FRY: variants seen among roughly 807,000 people sequenced by gnomAD.
FRY encodes protein furry homolog.
A neutral mutation model predicts 348.4 loss-of-function variants in FRY; 128 were observed. That is an observed-to-expected ratio of 0.37 (90% CI 0.32 to 0.43). The LOEUF (loss-of-function observed/expected upper bound fraction) is 0.43, where lower values mean the gene tolerates loss of function less well. Ranked by LOEUF, FRY falls within the 20% of genes least tolerant of loss-of-function variation. The pLI, the probability that FRY is intolerant of heterozygous loss-of-function variation, is 1.00. For synonymous variants in FRY, 1,370 were observed against 1,374.7 expected (o/e 1.00, Z 0.08); for missense variants, 2,736 against 3,695.2 (o/e 0.74, Z 6.73).
At chr13:32,243,922 T>C (rs1886638703) in intron 46 of FRY, 120 bp from the exon 47 acceptor site, 1 of 1,102,504 alleles carries the variant, frequency 9.1e-7, no homozygotes, top group Non-Finnish European at 1.3e-6. Context: ...CAAGACCCCA[T>C]CTCCTAAAAA....
chr13:32,149,815 C>T lies in FRY; in HGVS notation c.1460C>T (p.Ala487Val). Residue 487 changes from alanine to valine, a missense_variant, in exon 14 of 61, where the codon GCA becomes GTA. By Grantham distance (64) the Ala-to-Val change is moderately conservative (BLOSUM62 0). Transcript: ENST00000542859. ...CTTTGTGTGGGAAAACCAGCAAAAG[C>T]ATTCAGTCTCAACCCAGAGGTATGA... ...DFLCVGKPAK[A>V]FSLNPERMNI... The T allele has an allele frequency of 1.9e-6, 3 of 1,604,928 alleles. No homozygotes were observed. The highest frequency in any genetic ancestry group is 2.2e-5 in the South Asian group (2 of 90,880).
chr13:32,163,687 G>A (rs1427412650), intron 17 of FRY, among the ~76,000 whole-genome samples: 1 of 152,152 alleles, frequency 6.6e-6, no homozygotes, highest in Non-Finnish European at 1.5e-5. Flanking sequence ...CTATAAGTCT[G>A]AGTGGGAGGC....
Position 32,178,174 on chromosome 13 carries a change from C to T in FRY, c.2422-3C>T, listed in dbSNP as rs757330557. The T allele has an allele frequency of 6.2e-7, 1 of 1,614,178 alleles. No individual in the cohort carries two copies. The highest frequency in any genetic ancestry group is 2.2e-5 in the East Asian group (1 of 44,888). On this transcript the variant is annotated splice_region_variant and splice_polypyrimidine_tract_variant and intron_variant, in intron 20 of 60. Transcript: ENST00000542859. Reference sequence around the variant, plus strand: ...ACTTACAACCTACCTCTTATACCTACAGGCAACATTACCACTCACCCACAA... The same window carrying T: ...ACTTACAACCTACCTCTTATACCTATAGGCAACATTACCACTCACCCACAA...
chr13:32,200,947 T>C lies in FRY; in HGVS notation c.3747-994T>C, dbSNP rs567536047. 9.2e-5 allele frequency among the ~76,000 whole-genome samples: 14 copies of C among 152,272 alleles called. No homozygotes were observed. The South Asian group carries it at 2.9e-3, about 32-fold the overall frequency. On this transcript the variant is annotated intron_variant, in intron 29 of 60. Transcript: ENST00000542859. ...GCATTCTTGTAATAGCTTCCACTCT[T>C]GGCCCCATACAATCCATTCTCCACA...
intron 8 of FRY, among the ~76,000 whole-genome samples, chr13:32,132,520 G>T (rs533942999): frequency 6.6e-6 from 1 of 152,136 alleles, no homozygotes; most frequent in African/African-American, 2.4e-5. Context: ...TAACAATTCT[G>T]GGTGAAGATG....
chr13:32,114,941 G>A (rs530584757), intron 3 of FRY, among the ~76,000 whole-genome samples: 1 of 152,228 alleles, frequency 6.6e-6, no homozygotes, highest in South Asian at 2.1e-4. Flanking sequence ...TCAAGGGAAG[G>A]GTGACTCTTT....
chr13:32,147,077 G>C (rs116337430), intron 11 of FRY, among the ~76,000 whole-genome samples: 1 of 152,124 alleles, frequency 6.6e-6, no homozygotes, highest in Non-Finnish European at 1.5e-5. Flanking sequence ...CTGTCCCACC[G>C]TTTATATGCC....
chr13:32,078,198 A>G (rs917815653), intron 1 of FRY, among the ~76,000 whole-genome samples: 9 of 152,250 alleles, frequency 5.9e-5, no homozygotes, highest in Non-Finnish European at 1.0e-4. Context: ...TATTTTATAA[A>G]GGAAGCACAG....
At chr13:32,046,833 TTTTTATGTAATACAAAA>T (rs1873039066) in intron 1 of FRY, among the ~76,000 whole-genome samples, 2 of 152,254 alleles carry the variant, frequency 1.3e-5, no homozygotes, top group African/African-American at 4.8e-5. Flanking sequence ...GATTCATTAA[TTTTTATGTAATACAAAA>T]TATAGAAAGA....
At chr13:32,068,972 G>A (rs1874439502) in intron 1 of FRY, among the ~76,000 whole-genome samples, 1 of 144,150 alleles carries the variant, frequency 6.9e-6, no homozygotes, top group African/African-American at 2.6e-5. Context: ...CTGGAGCGCA[G>A]TGGCCTGTTC....
chr13:32,084,801 T>C (rs1257611684), intron 2 of FRY, among the ~76,000 whole-genome samples: 1 of 152,158 alleles, frequency 6.6e-6, no homozygotes, highest in Non-Finnish European at 1.5e-5. Context: ...AGAGATTTTC[T>C]CTTAAGTTGA....
rs1875278218 is a variant in FRY at position 32,078,796 on chromosome 13, T to C, written c.71-38T>C. 3 of 1,429,930 alleles carry C rather than the reference T, an allele frequency of 2.1e-6. No individual in the cohort carries two copies. In the Admixed American group the frequency reaches 5.0e-5, roughly 24 times the overall value. The allele number at this position is 1,429,930 out of a possible 1,614,324, so 88.6% of individuals were successfully genotyped here. A position where few individuals can be genotyped will look rare whatever the true frequency, so the allele number is the denominator to read the frequency against. On this transcript the variant is annotated intron_variant, in intron 1 of 60. Transcript: ENST00000542859. ...CAGTCCATCTGAATATTTATGACAT[T>C]ATTATCAGCCAGTAAGAATGCCCAT...
At chr13:32,054,960 TA>T (rs1873544505) in intron 1 of FRY, among the ~76,000 whole-genome samples, 1 of 152,220 alleles carries the variant, frequency 6.6e-6, no homozygotes, top group Admixed American at 6.5e-5. Context: ...TTCTTTTGGT[TA>T]ACTTCCTGAT....
chr13:32,117,254 G>C, intron 3 of FRY, 80 bp from the exon 4 acceptor site: 1 of 1,286,262 alleles, frequency 7.8e-7, no homozygotes, highest in Non-Finnish European at 1.1e-6. Flanking sequence ...AGTAGTGCTT[G>C]GGGTTACTTG....
intron 1 of FRY, among the ~76,000 whole-genome samples, chr13:32,034,509 T>C (rs207473650): frequency 6.6e-6 from 1 of 152,216 alleles, no homozygotes; most frequent in Non-Finnish European, 1.5e-5. Flanking sequence ...AAATGTCCTA[T>C]GTAGACCTGA....
intron 11 of FRY, among the ~76,000 whole-genome samples, chr13:32,138,107 C>T (rs758729226): frequency 7.3e-5 from 11 of 151,300 alleles, no homozygotes; most frequent in Non-Finnish European, 1.3e-4. Context: ...ATAAAGGCCA[C>T]TTTCAGGTTT....
At chr13:32,228,045 C>T (rs551857676) in intron 39 of FRY, among the ~76,000 whole-genome samples, 12 of 152,304 alleles carry the variant, frequency 7.9e-5, no homozygotes, top group African/African-American at 2.9e-4. Context: ...CCACCGCGCC[C>T]AGCCCGTTTC....
intron 28 of FRY, among the ~76,000 whole-genome samples, chr13:32,188,482 G>A (rs369888342): frequency 1.1e-4 from 16 of 152,138 alleles, no homozygotes; most frequent in African/African-American, 3.6e-4. Flanking sequence ...ATTAGCAGGA[G>A]CATTGTCATG....
chr13:32,213,508 G>A (rs1884804275), intron 35 of FRY, among the ~76,000 whole-genome samples: 1 of 152,194 alleles, frequency 6.6e-6, no homozygotes, highest in Non-Finnish European at 1.5e-5. Flanking sequence ...TCTTTCTCAG[G>A]AATGAATAAA....
Sources: gnomAD v4.1 joint callset for allele counts (sites outside exome capture counted in the v4.1 genomes callset) on GRCh38, gnomAD v4.1.1 for gene constraint, MANE v1.5 for transcripts, NCBI Gene and HGNC (gene_info 2026-07-23, HGNC 2026-07-21) for gene names.